Variants in RNPEP observed in about 807,000 individuals in gnomAD.
RNPEP encodes the protein aminopeptidase B.
Under a neutral mutation model 70.1 loss-of-function variants are expected in RNPEP, and 57 were observed. That is an observed-to-expected ratio of 0.81 (90% CI 0.66 to 1.01). The LOEUF is 1.01. RNPEP is among the 50% of genes least tolerant of loss of function. The pLI is 0.00. For synonymous variants in RNPEP, 335 were observed against 357.4 expected (o/e 0.94, Z 0.71); for missense variants, 787 against 852.4 (o/e 0.92, Z 0.96).
chr1:201,988,905 T>C lies in RNPEP; in HGVS notation c.449T>C (p.Val150Ala). The change falls in exon 2 of 11, where the codon GTT becomes GCT. Residue 150 changes from valine (V) to alanine (A), a missense_variant and splice_region_variant. By Grantham distance (64) the Val-to-Ala change is moderately conservative (BLOSUM62 0). Coordinates refer to ENST00000295640, the MANE Select transcript of RNPEP (RefSeq NM_020216.4). ...LTYRVGEGPG[V>A]CWLAPEQTAG... ...TGAAATGTTCTTCTTTTCGCTTAGGTTTGCTGGTTGGCTCCCGAGCAGACA... is the reference window on the plus strand; with the variant it reads ...TGAAATGTTCTTCTTTTCGCTTAGGCTTGCTGGTTGGCTCCCGAGCAGACA... 2 of 1,609,562 alleles carry C rather than the reference T, an allele frequency of 1.2e-6. No individual in the cohort carries two copies. Among genetic ancestry groups the C allele is most frequent in the Non-Finnish European group, 1.7e-6 (2 of 1,177,946 alleles).
intron 2 of RNPEP, 139 bp from the exon 3 acceptor site, chr1:201,989,244 T>A: frequency 8.1e-7 from 1 of 1,241,368 alleles, no homozygotes; most frequent in Non-Finnish European, 1.1e-6. Flanking sequence ...ACAGATTTAG[T>A]TTCTTGAAAC....
intron 4 of RNPEP, 92 bp from the exon 5 acceptor site, chr1:201,997,227 G>A (rs115093480): frequency 0.02 from 19,226 of 948,098 alleles, 261 homozygotes; most frequent in Non-Finnish European, 0.026. Context: ...GACTGCATCT[G>A]TTAGGGCTTG....
chr1:202,000,528 T>C (rs985151945), intron 6 of RNPEP, among the ~76,000 whole-genome samples: 13 of 152,208 alleles, frequency 8.5e-5, no homozygotes, highest in Non-Finnish European at 2.9e-5. Context: ...TTTTATGCAA[T>C]TGAAGCTCAT....
At chr1:201,983,194 C>A (rs1683003845) in intron 1 of RNPEP, 81 bp downstream of exon 1, 1 of 1,414,060 alleles carries the variant, frequency 7.1e-7, no homozygotes, top group African/African-American at 1.5e-5. Flanking sequence ...ACCTACCCCA[C>A]CCGGGAGGAG....
chr1:201,983,243 C>T, intron 1 of RNPEP, 130 bp downstream of exon 1: 1 of 1,431,294 alleles, frequency 7.0e-7, no homozygotes. Flanking sequence ...CTAGAGGGGC[C>T]TACTCCCCGC....
In RNPEP at chr1:201,982,812, C is replaced by A; in HGVS notation, c.146C>A (p.Pro49His). Residue 49 changes from proline to histidine, a missense_variant, in exon 1 of 11, where the codon CCT becomes CAT. Coordinates refer to ENST00000295640, the MANE Select transcript of RNPEP (RefSeq NM_020216.4). ...LHLDLRAEFG[P>H]PGPGAGSRGL... ...CTGGACCTGCGGGCTGAGTTCGGGC[C>A]TCCAGGGCCCGGCGCAGGGAGCCGG... The A allele has an allele frequency of 7.5e-7, 1 of 1,334,668 alleles. No individual in the cohort carries two copies. Among genetic ancestry groups the A allele is most frequent in the South Asian group, 2.2e-5 (1 of 45,550 alleles). The allele number at this position is 1,334,668 out of a possible 1,614,324, so 82.7% of individuals were successfully genotyped here.
intron 5 of RNPEP, among the ~76,000 whole-genome samples, chr1:201,998,038 CAGGCGTGAGCCACCAT>C (rs1265936105): frequency 6.6e-6 from 1 of 152,196 alleles, no homozygotes; most frequent in Non-Finnish European, 1.5e-5. Context: ...GCCAGGATTA[CAGGCGTGAGCCACCAT>C]GCCCAGCCCA....
At chr1:201,989,680 C>T in intron 3 of RNPEP, 149 bp downstream of exon 3, 2 of 742,868 alleles carry the variant, frequency 2.7e-6, no homozygotes, top group South Asian at 1.8e-5. Flanking sequence ...AGCATGAGCA[C>T]AGCTGGAGGA....
chr1:202,005,868 C>G lies in RNPEP; in HGVS notation c.*152C>G. ...AGCTTAGGTATCTGTGACTCTTGGGCCTCTGCTCTGGTGGGAACTTACTTC... is the reference window on the plus strand; with the variant it reads ...AGCTTAGGTATCTGTGACTCTTGGGGCTCTGCTCTGGTGGGAACTTACTTC... On this transcript the variant is annotated 3_prime_UTR_variant, in exon 11 of 11. Transcript: ENST00000295640. 1 of 916,372 alleles carries G rather than the reference C, an allele frequency of 1.1e-6. No individual in the cohort carries two copies. 56.8% of individuals were successfully genotyped at this position (916,372 alleles called of 1,614,324 possible).
rs1682998739 is a variant in RNPEP, at chr1:201,983,079, T to C, written c.413T>C (p.Val138Ala). Residue 138 changes from valine (V) to alanine (A), a missense_variant, in exon 1 of 11, where the codon GTG becomes GCG. Coordinates refer to ENST00000295640, the MANE Select transcript of RNPEP (RefSeq NM_020216.4). The stretch of plus-strand genomic sequence containing the variant: ...TGCCGCGCCGCCGAGCGCCTCCAGG[T>C]GCTGCTCACCTACCGCGTCGGGGAG... ...QPCRAAERLQ[V>A]LLTYRVGEGP... The C allele has an allele frequency of 6.6e-7, 1 of 1,522,746 alleles. No homozygotes were observed. The highest frequency in any genetic ancestry group is 1.2e-5 in the South Asian group (1 of 80,842). 94.3% of individuals were successfully genotyped at this position (1,522,746 alleles called of 1,614,324 possible).
At chr1:201,996,113 C>T (rs766372794) in intron 3 of RNPEP, 34 bp from the exon 4 acceptor site, 1 of 1,557,906 alleles carries the variant, frequency 6.4e-7, no homozygotes, top group South Asian at 1.1e-5. Context: ...GGTCTCTAAA[C>T]ACCATTCTGC....
At chr1:201,986,666 A>G (rs1374412598) in intron 1 of RNPEP, among the ~76,000 whole-genome samples, 1 of 151,270 alleles carries the variant, frequency 6.6e-6, no homozygotes, top group Non-Finnish European at 1.5e-5. Flanking sequence ...TCAGCCTCCG[A>G]AGTAGCTGGG....
chr1:202,001,148 A>T (rs1683784618), intron 6 of RNPEP: 1 of 536,520 alleles, frequency 1.9e-6, no homozygotes, highest in East Asian at 3.1e-5. Flanking sequence ...ATATCTGGAG[A>T]GAGATCTTGG....
At chr1:201,996,807 A>C (rs1001223857) in intron 4 of RNPEP, among the ~76,000 whole-genome samples, 2 of 151,380 alleles carry the variant, frequency 1.3e-5, no homozygotes, top group Non-Finnish European at 3.0e-5. Context: ...GAGGTTCTTG[A>C]GGTGTTCAAA....
rs745577804 is a variant in RNPEP at position 201,983,023 on chromosome 1, C to G, written c.357C>G (p.Gly119=). The G allele has an allele frequency of 5.0e-5, 76 of 1,525,988 alleles. No homozygotes were observed. Among genetic ancestry groups the G allele is most frequent in the Non-Finnish European group, 6.4e-5 (73 of 1,138,982 alleles). 94.5% of individuals were successfully genotyped at this position (1,525,988 alleles called of 1,614,324 possible). ...ACACGCAGCCCTTCTCGCACTATGG[C>G]CAGGCCCTGTGCGTGTCCTTCCCGC... ...SFYTQPFSHY[G]QALCVSFPQP... The change falls in exon 1 of 11, where the codon GGC becomes GGG. Residue 119 remains glycine, a synonymous_variant. Coordinates refer to ENST00000295640, the MANE Select transcript of RNPEP (RefSeq NM_020216.4).
chr1:201,991,137 T>C (rs1331841639), intron 3 of RNPEP, among the ~76,000 whole-genome samples: 1 of 152,090 alleles, frequency 6.6e-6, no homozygotes, highest in Non-Finnish European at 1.5e-5. Context: ...ATTTTTGAGA[T>C]GGCGTCTTGC....
chr1:202,002,185 TG>T, intron 8 of RNPEP, among the ~76,000 whole-genome samples: 1 of 147,176 alleles, frequency 6.8e-6, no homozygotes. Flanking sequence ...TTTTTTGAGA[TG>T]GAGTTTCGCT....
intron 5 of RNPEP, among the ~76,000 whole-genome samples, chr1:201,998,541 C>T (rs61821542): frequency 0.28 from 42,793 of 152,064 alleles, 6,391 homozygotes; most frequent in South Asian, 0.51. Context: ...CCACTGCGCC[C>T]GGCCCTGAAC....
chr1:202,003,613 G>A, intron 9 of RNPEP, 152 bp downstream of exon 9: 4 of 627,532 alleles, frequency 6.4e-6, no homozygotes, highest in South Asian at 5.8e-5. Flanking sequence ...GCCACCGGGA[G>A]GTTATGGGTT....
Sources: gnomAD v4.1 joint callset for allele counts (sites outside exome capture counted in the v4.1 genomes callset) on GRCh38, gnomAD v4.1.1 for gene constraint, MANE v1.5 for transcripts, NCBI Gene and HGNC (gene_info 2026-07-23, HGNC 2026-07-21) for gene names.